PLA2G5: variants seen among roughly 807,000 people sequenced by gnomAD.
The protein encoded by PLA2G5 is phospholipase A2 group V.
PLA2G5 carries 12 observed loss-of-function variants against 15.9 expected under a neutral mutation model. That is an observed-to-expected ratio of 0.76 (90% CI 0.48 to 1.23). The LOEUF (loss-of-function observed/expected upper bound fraction) is 1.23, where lower values mean the gene tolerates loss of function less well. PLA2G5 is among the 50% of genes most tolerant of loss of function. PLA2G5 has a pLI of 0.00. For synonymous variants in PLA2G5, 71 were observed against 71.4 expected (o/e 0.99, Z 0.03); for missense variants, 169 against 177.1 (o/e 0.95, Z 0.26).
chr1:20,048,906 C>T (rs2014046977), intron 1 of PLA2G5, among the ~76,000 whole-genome samples: 1 of 152,090 alleles, frequency 6.6e-6, no homozygotes, highest in Admixed American at 6.6e-5. Flanking sequence ...ATAGATATTT[C>T]ATTATTTGGG....
chr1:20,057,577 C>A (rs1238850915), intron 1 of PLA2G5, among the ~76,000 whole-genome samples: 1 of 152,186 alleles, frequency 6.6e-6, no homozygotes, highest in East Asian at 1.9e-4. Flanking sequence ...TGGCTCACTG[C>A]AACGTCCACC....
At chr1:20,079,990 T>G (rs1300667364) in intron 1 of PLA2G5, among the ~76,000 whole-genome samples, 5 of 151,692 alleles carry the variant, frequency 3.3e-5, no homozygotes, top group Admixed American at 6.6e-5. Flanking sequence ...GCAGAAAAAG[T>G]TGGGGGTTGG....
intron 1 of PLA2G5, among the ~76,000 whole-genome samples, chr1:20,037,255 A>AT (rs750024502): frequency 3.9e-5 from 6 of 152,084 alleles, no homozygotes; most frequent in Non-Finnish European, 7.4e-5. Flanking sequence ...TGATCCCTTG[A>AT]TGTGGTGCTC....
chr1:20,058,482 T>C (rs2014548254), intron 1 of PLA2G5, among the ~76,000 whole-genome samples: 1 of 152,234 alleles, frequency 6.6e-6, no homozygotes. Flanking sequence ...GGGTATATCT[T>C]TCTCCTTCCC....
Position 20,089,830 on chromosome 1 carries a change from A to G in PLA2G5, c.227A>G (p.Glu76Gly). Residue 76 changes from glutamate (E) to glycine (G), a missense_variant, in exon 4 of 5, where the codon GAG (glutamate) becomes GGG (glycine). Glu to Gly is a moderately conservative substitution (Grantham distance 98). Transcript: ENST00000375108. ...GACCACTGCTATGGGCGGCTGGAGG[A>G]GAAGGGCTGCAACATTCGCACACAG... is the stretch of plus-strand genomic sequence containing the variant. Reference protein sequence around the residue: ...AHDHCYGRLEEKGCNIRTQSY... With the variant: ...AHDHCYGRLEGKGCNIRTQSY... 6.2e-7 allele frequency: 1 copy of G among 1,614,118 alleles called. No individual in the cohort carries two copies. The highest frequency in any genetic ancestry group is 1.1e-5 in the South Asian group (1 of 91,082).
intron 1 of PLA2G5, among the ~76,000 whole-genome samples, chr1:20,048,175 T>C (rs1055638350): frequency 6.6e-6 from 1 of 152,106 alleles, no homozygotes; most frequent in Admixed American, 6.6e-5. Context: ...AATCAAATAG[T>C]TTATCAGGAA....
chr1:20,080,989 C>A (rs2100594058), intron 1 of PLA2G5, among the ~76,000 whole-genome samples: 2 of 152,008 alleles, frequency 1.3e-5, no homozygotes, highest in Admixed American at 6.5e-5. Context: ...TGCAATGAGG[C>A]TCCGCACTGT....
At chr1:20,079,359 T>C (rs1358984529) in intron 1 of PLA2G5, among the ~76,000 whole-genome samples, 1 of 152,140 alleles carries the variant, frequency 6.6e-6, no homozygotes, top group Non-Finnish European at 1.5e-5. Context: ...CAAATGAGCT[T>C]CAGTCAGCCC....
intron 2 of PLA2G5, among the ~76,000 whole-genome samples, chr1:20,063,849 A>G (rs2014873329): frequency 6.6e-6 from 1 of 152,176 alleles, no homozygotes; most frequent in African/African-American, 2.4e-5. Flanking sequence ...AGGGAACACG[A>G]AATCTGTCCA....
At chr1:20,047,631 T>C (rs557240337) in intron 1 of PLA2G5, among the ~76,000 whole-genome samples, 14 of 152,138 alleles carry the variant, frequency 9.2e-5, no homozygotes, top group Non-Finnish European at 1.6e-4. Context: ...AAAACCACTG[T>C]TTGGATCCAA....
intron 1 of PLA2G5, among the ~76,000 whole-genome samples, chr1:20,058,262 TC>T (rs1454870605): frequency 1.3e-5 from 2 of 152,228 alleles, no homozygotes; most frequent in Non-Finnish European, 2.9e-5. Flanking sequence ...TGTCTATTTC[TC>T]CTGCAGTCCT....
At chr1:20,077,562 G>A (rs3767227) in intron 1 of PLA2G5, among the ~76,000 whole-genome samples, 28,173 of 152,072 alleles carry the variant, frequency 0.19, 2,792 homozygotes, top group East Asian at 0.31. Context: ...CAGTTTACTG[G>A]AAAGACATAA....
intron 1 of PLA2G5, among the ~76,000 whole-genome samples, chr1:20,036,363 A>G (rs928889322): frequency 4.6e-5 from 7 of 152,142 alleles, no homozygotes; most frequent in Admixed American, 4.6e-4. Context: ...TTCTTTGGGA[A>G]CACCAATTAT....
At chr1:20,039,259 G>C (rs1459474286) in intron 1 of PLA2G5, among the ~76,000 whole-genome samples, 1 of 152,144 alleles carries the variant, frequency 6.6e-6, no homozygotes, top group Non-Finnish European at 1.5e-5. Context: ...TTATAATGAG[G>C]GTCAACTATG....
intron 2 of PLA2G5, among the ~76,000 whole-genome samples, chr1:20,061,776 G>A (rs990830157): frequency 1.3e-5 from 2 of 152,098 alleles, no homozygotes; most frequent in African/African-American, 4.8e-5. Context: ...TTTATAAACT[G>A]TTGTACATCT....
At chr1:20,087,299 C>T (rs542141398) in intron 3 of PLA2G5, among the ~76,000 whole-genome samples, 4 of 152,300 alleles carry the variant, frequency 2.6e-5, no homozygotes, top group Admixed American at 6.5e-5. Context: ...AGTCATCCCT[C>T]GGACTGGTTC....
chr1:20,032,218 G>A (rs1163207532), intron 1 of PLA2G5, among the ~76,000 whole-genome samples: 1 of 152,176 alleles, frequency 6.6e-6, no homozygotes, highest in Non-Finnish European at 1.5e-5. Flanking sequence ...CCCATTTAAT[G>A]TTTAGAGTCT....
intron 1 of PLA2G5, among the ~76,000 whole-genome samples, chr1:20,042,492 G>A (rs906280289): frequency 4.6e-5 from 7 of 152,118 alleles, no homozygotes; most frequent in Admixed American, 1.3e-4. Flanking sequence ...AATTTTGACC[G>A]CACAGCCCTG....
At chr1:20,072,417 T>A (rs149403547) in intron 1 of PLA2G5, among the ~76,000 whole-genome samples, 11 of 152,270 alleles carry the variant, frequency 7.2e-5, no homozygotes, top group Non-Finnish European at 1.3e-4. Context: ...ACGTTAAGTT[T>A]ACAAAGATGA....
Sources: gnomAD v4.1 joint callset for allele counts (sites outside exome capture counted in the v4.1 genomes callset) on GRCh38, gnomAD v4.1.1 for gene constraint, MANE v1.5 for transcripts, NCBI Gene and HGNC (gene_info 2026-07-23, HGNC 2026-07-21) for gene names.